PITPNC1: variants seen among roughly 807,000 people sequenced by gnomAD.
PITPNC1 encodes cytoplasmic phosphatidylinositol transfer protein 1.
In PITPNC1, 18 loss-of-function variants were observed where a neutral mutation model predicts 44.7. That is an observed-to-expected ratio of 0.40 (90% CI 0.28 to 0.60). PITPNC1 has a LOEUF of 0.60. PITPNC1 is among the 20% of genes least tolerant of loss of function. The pLI, the probability that PITPNC1 is intolerant of heterozygous loss-of-function variation, is 0.39. For missense variants in PITPNC1, 290 were observed against 418.4 expected, an observed-to-expected ratio of 0.69 and a Z score of 2.68; for synonymous variants, 141 against 149.6, an observed-to-expected ratio of 0.94 and a Z score of 0.42.
chr17:67,500,262 C>G (rs1329415463), intron 1 of PITPNC1, among the ~76,000 whole-genome samples: 2 of 152,124 alleles, frequency 1.3e-5, no homozygotes, highest in African/African-American at 4.8e-5. Flanking sequence ...TTTACGTTGT[C>G]CAAATTCTGG....
At chr17:67,662,149 C>T (rs916616344) in intron 6 of PITPNC1, among the ~76,000 whole-genome samples, 1 of 152,050 alleles carries the variant, frequency 6.6e-6, no homozygotes, top group African/African-American at 2.4e-5. Flanking sequence ...CCATAAAGCT[C>T]ACCCATTGAA....
At chr17:67,674,117 T>G (rs1255302306) in intron 7 of PITPNC1, among the ~76,000 whole-genome samples, 1 of 152,144 alleles carries the variant, frequency 6.6e-6, no homozygotes, top group East Asian at 1.9e-4. Context: ...AGGCACAATG[T>G]GAGGAATGGG....
intron 1 of PITPNC1, among the ~76,000 whole-genome samples, chr17:67,510,655 G>A (rs1276473882): frequency 6.6e-6 from 1 of 152,142 alleles, no homozygotes; most frequent in Non-Finnish European, 1.5e-5. Context: ...CTGGAGTGCA[G>A]TGGTGCGATC....
intron 4 of PITPNC1, among the ~76,000 whole-genome samples, chr17:67,565,788 G>A (rs1190202882): frequency 6.7e-6 from 1 of 150,116 alleles, no homozygotes; most frequent in Non-Finnish European, 1.5e-5. Context: ...GGTTTTCAGT[G>A]TGTATACTCA....
chr17:67,396,012 G>A (rs577703126), intron 1 of PITPNC1, among the ~76,000 whole-genome samples: 40 of 152,308 alleles, frequency 2.6e-4, no homozygotes, highest in African/African-American at 9.4e-4. Context: ...CTTTTGGATT[G>A]CGTTTGACGG....
At chr17:67,612,841 TAC>T (rs1332412579) in intron 5 of PITPNC1, 1 of 152,332 alleles carries the variant, frequency 6.6e-6, no homozygotes, top group Non-Finnish European at 1.5e-5. Context: ...ATTTGTGAGA[TAC>T]AGAGGCAGTG....
chr17:67,563,327 G>C (rs1568041797), intron 4 of PITPNC1, among the ~76,000 whole-genome samples: 1 of 152,156 alleles, frequency 6.6e-6, no homozygotes, highest in African/African-American at 2.4e-5. Flanking sequence ...CATACTGTTG[G>C]AACAAGATGG....
intron 2 of PITPNC1, among the ~76,000 whole-genome samples, chr17:67,541,690 A>C (rs2040609982): frequency 6.6e-6 from 1 of 152,236 alleles, no homozygotes; most frequent in African/African-American, 2.4e-5. Context: ...CTATATCTAG[A>C]AACTCAAGTG....
At chr17:67,638,292 A>G (rs1401996677) in intron 6 of PITPNC1, 1 of 152,276 alleles carries the variant, frequency 6.6e-6, no homozygotes, top group African/African-American at 2.4e-5. Context: ...GGACTAGCCC[A>G]GGCTGGAGAA....
intron 1 of PITPNC1, among the ~76,000 whole-genome samples, chr17:67,433,408 T>C (rs1049009993): frequency 1.3e-5 from 2 of 151,958 alleles, no homozygotes; most frequent in African/African-American, 2.4e-5. Flanking sequence ...TCTGGGCAGA[T>C]GAATGGAGGG....
chr17:67,434,542 G>A (rs2038904373), intron 1 of PITPNC1, among the ~76,000 whole-genome samples: 1 of 152,170 alleles, frequency 6.6e-6, no homozygotes, highest in Non-Finnish European at 1.5e-5. Flanking sequence ...TGGGCGCGGT[G>A]GCTCACACCT....
intron 4 of PITPNC1, among the ~76,000 whole-genome samples, chr17:67,576,893 C>G (rs1237585634): frequency 6.6e-6 from 1 of 152,094 alleles, no homozygotes; most frequent in Non-Finnish European, 1.5e-5. Context: ...AATATTTAAC[C>G]CTCACAGTGT....
intron 1 of PITPNC1, chr17:67,379,384 A>C (rs2037923717): frequency 1.0e-6 from 1 of 985,284 alleles, no homozygotes. Context: ...ATCTGGACCA[A>C]GGGTTAAGGT....
At chr17:67,501,833 C>CAA (rs758538682) in intron 1 of PITPNC1, among the ~76,000 whole-genome samples, 1 of 135,220 alleles carries the variant, frequency 7.4e-6, no homozygotes, top group African/African-American at 2.7e-5. Context: ...AACTCTGTCT[C>CAA]AAAAAAAAAA....
At chr17:67,452,895 G>T (rs1455967339) in intron 1 of PITPNC1, among the ~76,000 whole-genome samples, 1 of 152,110 alleles carries the variant, frequency 6.6e-6, no homozygotes, top group Non-Finnish European at 1.5e-5. Flanking sequence ...GAGCGTTTTG[G>T]GTTTGCCACA....
At chr17:67,453,298 A>C (rs1450277491) in intron 1 of PITPNC1, among the ~76,000 whole-genome samples, 1 of 152,232 alleles carries the variant, frequency 6.6e-6, no homozygotes, top group Non-Finnish European at 1.5e-5. Context: ...ATTAAACTTG[A>C]GTGAACTAAG....
At chr17:67,654,182 C>T (rs1257060346) in intron 6 of PITPNC1, among the ~76,000 whole-genome samples, 1 of 152,142 alleles carries the variant, frequency 6.6e-6, no homozygotes, top group African/African-American at 2.4e-5. Flanking sequence ...TGTCGGTTCA[C>T]CTGGACCCAG....
intron 1 of PITPNC1, among the ~76,000 whole-genome samples, chr17:67,451,020 A>T (rs1036464294): frequency 1.4e-4 from 21 of 152,162 alleles, no homozygotes; most frequent in African/African-American, 4.3e-4. Context: ...TGTAGCCCAT[A>T]TCAGAATCTA....
intron 1 of PITPNC1, among the ~76,000 whole-genome samples, chr17:67,399,833 G>A (rs535686209): frequency 6.6e-6 from 1 of 152,320 alleles, no homozygotes; most frequent in South Asian, 2.1e-4. Context: ...GTTGCCCGGA[G>A]TTGGGGTTGG....
Sources: gnomAD v4.1 joint callset for allele counts (sites outside exome capture counted in the v4.1 genomes callset) on GRCh38, gnomAD v4.1.1 for gene constraint, MANE v1.5 for transcripts, NCBI Gene and HGNC (gene_info 2026-07-23, HGNC 2026-07-21) for gene names.